Variants in CPA6 observed in about 807,000 individuals in gnomAD.
CPA6 encodes the protein carboxypeptidase B.
In CPA6, 58 loss-of-function variants were observed where a neutral mutation model predicts 63.3. The ratio of observed to expected loss-of-function variants is 0.92; its 90% CI spans 0.74 to 1.14. The LOEUF (loss-of-function observed/expected upper bound fraction) is 1.14. CPA6 is among the 50% of genes most tolerant of loss of function. The probability of loss-of-function intolerance (pLI) is 0.00; values close to 1 mark genes in which losing one functional copy is unlikely to be tolerated. For missense variants in CPA6, 565 were observed against 526.6 expected (o/e 1.07, Z -0.71); for synonymous variants, 185 against 179.0 (o/e 1.03, Z -0.27).
chr8:67,488,140 T>G (rs1473867796), intron 6 of CPA6, among the ~76,000 whole-genome samples: 1 of 152,240 alleles, frequency 6.6e-6, no homozygotes, highest in African/African-American at 2.4e-5. Flanking sequence ...GCCTATGTCC[T>G]GAATGGTATT....
At chr8:67,624,289 G>T in intron 1 of CPA6, 38 bp from the exon 2 acceptor site, 2 of 1,135,348 alleles carry the variant, frequency 1.8e-6, no homozygotes, top group Non-Finnish European at 2.6e-6. Flanking sequence ...ATTACTTTTC[G>T]AAAATAAAGA....
At chr8:67,510,958 C>T (rs756478569) in intron 4 of CPA6, among the ~76,000 whole-genome samples, 45 of 152,136 alleles carry the variant, frequency 3.0e-4, no homozygotes, top group Non-Finnish European at 6.2e-4. Context: ...TTAATCCAAT[C>T]TGGGAGAATA....
At chr8:67,468,119 G>C (rs1314466778) in intron 8 of CPA6, among the ~76,000 whole-genome samples, 1 of 152,026 alleles carries the variant, frequency 6.6e-6, no homozygotes, top group Non-Finnish European at 1.5e-5. Flanking sequence ...TCTTGTGTTT[G>C]TCAAACATTT....
At chr8:67,444,359 T>A (rs1810366134) in intron 8 of CPA6, among the ~76,000 whole-genome samples, 1 of 152,200 alleles carries the variant, frequency 6.6e-6, no homozygotes, top group South Asian at 2.1e-4. Flanking sequence ...AAAAGGAAGA[T>A]GTCTATTTCA....
chr8:67,435,111 A>G (rs1449742001), intron 8 of CPA6, among the ~76,000 whole-genome samples: 5 of 152,182 alleles, frequency 3.3e-5, no homozygotes, highest in East Asian at 3.9e-4. Flanking sequence ...CTGCAAGCCC[A>G]CCTAGGAGGT....
At position 67,652,356 on chromosome 8, in the gene CPA6, C is replaced by G. The variant is rs1212049022; in HGVS notation, c.117-28105G>C. ...ATGGTTGAACTAGTTTACAGTCCCA[C>G]CAACAGTGTAAAATTGTTCCTATTT... On this transcript the variant is annotated intron_variant, in intron 1 of 10. Coordinates refer to ENST00000297770, the MANE Select transcript of CPA6 (RefSeq NM_020361.5). Among the ~76,000 whole-genome samples the G allele has an allele frequency of 2.0e-5, 3 of 152,304 alleles. No homozygotes were observed. The East Asian group carries it at 5.8e-4, about 29-fold the overall frequency.
chr8:67,679,174 T>C (rs1020929191), intron 1 of CPA6, among the ~76,000 whole-genome samples: 1 of 152,232 alleles, frequency 6.6e-6, no homozygotes, highest in South Asian at 2.1e-4. Context: ...AGAACACATA[T>C]GATTTGTGCA....
intron 1 of CPA6, among the ~76,000 whole-genome samples, chr8:67,676,844 T>C (rs2128995288): frequency 6.6e-6 from 1 of 152,372 alleles, no homozygotes; most frequent in East Asian, 1.9e-4. Flanking sequence ...AAGTCTTTAC[T>C]TATAACTATT....
intron 1 of CPA6, among the ~76,000 whole-genome samples, chr8:67,647,732 G>A (rs994478684): frequency 2.6e-4 from 40 of 152,094 alleles, no homozygotes; most frequent in Admixed American, 2.2e-3. Flanking sequence ...TTTCAATAAC[G>A]GATCTTACAT....
chr8:67,644,171 T>G (rs1044512484), intron 1 of CPA6, among the ~76,000 whole-genome samples: 1 of 151,330 alleles, frequency 6.6e-6, no homozygotes, highest in Non-Finnish European at 1.5e-5. Context: ...CAGGCTGGAG[T>G]GCAGTGGCGC....
intron 2 of CPA6, among the ~76,000 whole-genome samples, chr8:67,609,712 G>A (rs564674573): frequency 3.3e-5 from 5 of 152,296 alleles, no homozygotes; most frequent in East Asian, 1.9e-4. Context: ...TGTAGAGTCA[G>A]TCTTAGATTT....
At chr8:67,664,593 C>A (rs1470242051) in intron 1 of CPA6, among the ~76,000 whole-genome samples, 3 of 152,102 alleles carry the variant, frequency 2.0e-5, no homozygotes, top group African/African-American at 4.8e-5. Context: ...AATCTCCTGC[C>A]CCCTGCCTTT....
intron 1 of CPA6, among the ~76,000 whole-genome samples, chr8:67,722,689 C>T (rs1297704005): frequency 6.6e-6 from 1 of 152,038 alleles, no homozygotes; most frequent in South Asian, 2.1e-4. Flanking sequence ...CTATGATACC[C>T]TTATTTCAGG....
At chr8:67,590,782 T>A (rs1814099112) in intron 2 of CPA6, among the ~76,000 whole-genome samples, 1 of 150,616 alleles carries the variant, frequency 6.6e-6, no homozygotes, top group Admixed American at 6.6e-5. Context: ...ATTCTGGATA[T>A]TAGCCCTTTG....
chr8:67,575,668 C>T (rs200555695), intron 2 of CPA6, among the ~76,000 whole-genome samples: 2 of 152,184 alleles, frequency 1.3e-5, no homozygotes, highest in East Asian at 3.9e-4. Context: ...ACCAGCCTGG[C>T]CAACATGGTG....
At chr8:67,714,337 G>T (rs1462736554) in intron 1 of CPA6, among the ~76,000 whole-genome samples, 1 of 152,196 alleles carries the variant, frequency 6.6e-6, no homozygotes, top group East Asian at 1.9e-4. Context: ...GGTGGTGATT[G>T]CAGAGAAAAC....
intron 2 of CPA6, among the ~76,000 whole-genome samples, chr8:67,620,655 G>T (rs1815058356): frequency 6.6e-6 from 1 of 152,174 alleles, no homozygotes; most frequent in Non-Finnish European, 1.5e-5. Flanking sequence ...CAGAATTGCT[G>T]CTTTCCATAG....
chr8:67,668,670 T>C (rs1005369189), intron 1 of CPA6, among the ~76,000 whole-genome samples: 5 of 152,178 alleles, frequency 3.3e-5, no homozygotes, highest in Non-Finnish European at 7.3e-5. Context: ...GGAGTTTTAA[T>C]GATAAAAAAA....
chr8:67,505,403 T>C (rs909099063), intron 6 of CPA6, among the ~76,000 whole-genome samples: 3 of 152,172 alleles, frequency 2.0e-5, no homozygotes, highest in African/African-American at 7.2e-5. Context: ...TTGCGTATGT[T>C]GGGGGTGAGG....
Sources: allele counts gnomAD v4.1 joint callset (sites outside exome capture counted in the v4.1 genomes callset), GRCh38; gene constraint gnomAD v4.1.1; transcripts MANE v1.5; gene names NCBI Gene and HGNC (gene_info 2026-07-23, HGNC 2026-07-21).